Variants in MARK3 observed in about 807,000 individuals in gnomAD.
The protein encoded by MARK3 is MAP/microtubule affinity-regulating kinase 3.
A neutral mutation model predicts 90.1 loss-of-function variants in MARK3; 46 were observed. The observed-to-expected ratio is 0.51, with a 90% CI of 0.40 to 0.65. The LOEUF (loss-of-function observed/expected upper bound fraction) is 0.65, where lower values mean the gene tolerates loss of function less well. Ranked by LOEUF, MARK3 falls within the 30% of genes least tolerant of loss-of-function variation. The pLI, the probability that MARK3 is intolerant of heterozygous loss-of-function variation, is 0.00. For synonymous variants in MARK3, 321 were observed against 332.6 expected, an observed-to-expected ratio of 0.97 and a Z score of 0.38; for missense variants, 818 against 947.2, an observed-to-expected ratio of 0.86 and a Z score of 1.79.
chr14:103,458,606 GA>G, intron 6 of MARK3: 1 of 491,156 alleles, frequency 2.0e-6, no homozygotes, highest in Non-Finnish European at 3.6e-6. Context: ...TTAGACGAAG[GA>G]AAGGAGCAGT....
At chr14:103,386,255 C>G in intron 1 of MARK3, 175 bp downstream of exon 1, 1 of 726,852 alleles carries the variant, frequency 1.4e-6, no homozygotes, top group Non-Finnish European at 2.5e-6. Context: ...CTGCCGTGTC[C>G]CGCTGTTCGC....
At chr14:103,429,044 C>A (rs571425453) in intron 3 of MARK3, 1 of 152,404 alleles carries the variant, frequency 6.6e-6, no homozygotes, top group African/African-American at 2.4e-5. Context: ...TTAACACTTA[C>A]ATAATAATGC....
chr14:103,419,792 C>T (rs1017745961), intron 2 of MARK3, among the ~76,000 whole-genome samples: 3 of 151,938 alleles, frequency 2.0e-5, no homozygotes, highest in African/African-American at 7.3e-5. Flanking sequence ...AAGTTAAAAC[C>T]CAGAATGATT....
chr14:103,387,816 C>T (rs1169689444), intron 1 of MARK3, among the ~76,000 whole-genome samples: 1 of 152,082 alleles, frequency 6.6e-6, no homozygotes, highest in Non-Finnish European at 1.5e-5. Context: ...CATTGATCTT[C>T]ACTCAGAGAA....
At chr14:103,452,755 G>C (rs1321220371) in intron 5 of MARK3, among the ~76,000 whole-genome samples, 1 of 152,176 alleles carries the variant, frequency 6.6e-6, no homozygotes, top group South Asian at 2.1e-4. Context: ...ACAGGCGTGA[G>C]CCACCGCGCC....
intron 1 of MARK3, among the ~76,000 whole-genome samples, chr14:103,388,845 T>C (rs999078869): frequency 2.6e-5 from 4 of 152,198 alleles, no homozygotes; most frequent in Non-Finnish European, 4.4e-5. Context: ...TCAGTATCAG[T>C]AGTTCATTCC....
intron 1 of MARK3, among the ~76,000 whole-genome samples, chr14:103,404,326 G>C (rs866015000): frequency 6.6e-6 from 1 of 152,176 alleles, no homozygotes; most frequent in African/African-American, 2.4e-5. Context: ...TTGGGCAGGA[G>C]TTAACAGCCA....
At chr14:103,457,094 A>T in intron 5 of MARK3, 48 bp from the exon 6 acceptor site, 2 of 1,139,100 alleles carry the variant, frequency 1.8e-6, no homozygotes, top group Non-Finnish European at 2.6e-6. Flanking sequence ...GGGAAAATTA[A>T]TACTCAGAAG....
At position 103,385,699 on chromosome 14, in the gene MARK3, T is replaced by G. The variant is rs2140397801; in HGVS notation, c.-331T>G. ...CGACGGGAGGGAGTGGAGAAGGAGG[T>G]GAGGGGGCCCAGGATCGCGGGGCGC... On this transcript the variant is annotated 5_prime_UTR_variant, in exon 1 of 18. Transcript: ENST00000429436. 1 of 247,652 alleles carries G rather than the reference T, an allele frequency of 4.0e-6. No individual in the cohort carries two copies. The highest frequency in any genetic ancestry group is 7.6e-6 in the Non-Finnish European group (1 of 131,088). The allele number at this position is 247,652 out of a possible 1,614,324, so 15.3% of individuals were successfully genotyped here.
At chr14:103,407,287 A>G (rs1017638537) in intron 2 of MARK3, among the ~76,000 whole-genome samples, 2 of 152,156 alleles carry the variant, frequency 1.3e-5, no homozygotes, top group African/African-American at 2.4e-5. Flanking sequence ...TCAGGTATAC[A>G]CTTATGTGTA....
intron 2 of MARK3, chr14:103,412,640 T>G (rs2091717334): frequency 9.6e-7 from 1 of 1,037,996 alleles, no homozygotes; most frequent in African/African-American, 1.9e-5. Context: ...CTGGGGGTCA[T>G]AGTTCTTCAA....
chr14:103,475,362 T>G (rs2093696801), intron 13 of MARK3, 152 bp downstream of exon 13: 1 of 629,914 alleles, frequency 1.6e-6, no homozygotes, highest in Non-Finnish European at 2.8e-6. Flanking sequence ...AAATCCTACC[T>G]GCTGCATTGT....
intron 13 of MARK3, 105 bp from the exon 14 acceptor site, chr14:103,480,281 CA>C: frequency 4.2e-6 from 3 of 722,612 alleles, no homozygotes; most frequent in Non-Finnish European, 7.1e-6. Flanking sequence ...CCTCAAAAAA[CA>C]AGTAAATAAA....
At chr14:103,441,045 TCTG>T (rs2092839846) in intron 3 of MARK3, among the ~76,000 whole-genome samples, 2 of 152,074 alleles carry the variant, frequency 1.3e-5, no homozygotes. Context: ...TTTTGTTTCT[TCTG>T]TGAAGTACGT....
intron 1 of MARK3, among the ~76,000 whole-genome samples, chr14:103,392,783 G>A (rs1291011801): frequency 1.3e-5 from 2 of 151,420 alleles, no homozygotes; most frequent in Admixed American, 6.6e-5. Flanking sequence ...TTTAAAATAT[G>A]TAATATGGTT....
chr14:103,437,749 A>T (rs1240716485), intron 3 of MARK3, among the ~76,000 whole-genome samples: 1 of 152,244 alleles, frequency 6.6e-6, no homozygotes, highest in African/African-American at 2.4e-5. Context: ...GAATTATAAC[A>T]GTAACATCAG....
chr14:103,427,676 T>C (rs528005917), intron 2 of MARK3, among the ~76,000 whole-genome samples: 1 of 152,156 alleles, frequency 6.6e-6, no homozygotes, highest in South Asian at 2.1e-4. Context: ...TCCCTCCCCT[T>C]TTAGGGGACT....
intron 12 of MARK3, 63 bp downstream of exon 12, chr14:103,468,249 G>A: frequency 7.1e-7 from 1 of 1,416,744 alleles, no homozygotes; most frequent in Non-Finnish European, 9.6e-7. Flanking sequence ...CCTAGCACTG[G>A]GAAGCATTCT....
At chr14:103,404,877 C>T (rs1472453763) in intron 1 of MARK3, among the ~76,000 whole-genome samples, 199 bp from the exon 2 acceptor site, 2 of 152,182 alleles carry the variant, frequency 1.3e-5, no homozygotes, top group Admixed American at 1.3e-4. Flanking sequence ...CTCAATTGAA[C>T]TTCAACACTT....
Sources: allele counts gnomAD v4.1 joint callset (sites outside exome capture counted in the v4.1 genomes callset), GRCh38; gene constraint gnomAD v4.1.1; transcripts MANE v1.5; gene names NCBI Gene and HGNC (gene_info 2026-07-23, HGNC 2026-07-21).